KANSL2: variants seen among roughly 807,000 people sequenced by gnomAD.
KANSL2 encodes the protein KAT8 regulatory NSL complex subunit 2.
A neutral mutation model predicts 55.6 loss-of-function variants in KANSL2; 34 were observed. The ratio of observed to expected loss-of-function variants is 0.61; its 90% confidence interval spans 0.46 to 0.81. The LOEUF (loss-of-function observed/expected upper bound fraction) is 0.81, where lower values mean the gene tolerates loss of function less well. KANSL2 is among the 40% of genes least tolerant of loss of function. The pLI is 0.00. For missense variants in KANSL2, 502 were observed against 609.9 expected, an observed-to-expected ratio of 0.82 and a Z score of 1.86; for synonymous variants, 209 against 214.3, an observed-to-expected ratio of 0.98 and a Z score of 0.22.
chr12:48,681,830 C>A (rs1939932590), intron 1 of KANSL2, 189 bp from the exon 2 acceptor site: 4 of 726,294 alleles, frequency 5.5e-6, no homozygotes, highest in Non-Finnish European at 9.9e-6. Flanking sequence ...GCGTGTCCCT[C>A]CATGCCCGGC....
chr12:48,670,993 G>C (rs892849765), intron 5 of KANSL2, among the ~76,000 whole-genome samples: 5 of 152,136 alleles, frequency 3.3e-5, no homozygotes, highest in African/African-American at 1.2e-4. Flanking sequence ...GCCAGGCGCA[G>C]TGGCTCATGC....
At chr12:48,681,714 A>G (rs2137209340) in intron 1 of KANSL2, 73 bp from the exon 2 acceptor site, 7 of 1,595,542 alleles carry the variant, frequency 4.4e-6, no homozygotes, top group Non-Finnish European at 4.3e-6. Flanking sequence ...GATCGCGCGG[A>G]CAGTTTCCAA....
chr12:48,682,069 CAGGA>C, intron 1 of KANSL2, 114 bp downstream of exon 1: 1 of 703,038 alleles, frequency 1.4e-6, no homozygotes. Context: ...TGGAAGCCTG[CAGGA>C]AGGAGACTGA....
At chr12:48,664,077 G>C (rs574179808) in intron 7 of KANSL2, among the ~76,000 whole-genome samples, 1 of 151,818 alleles carries the variant, frequency 6.6e-6, no homozygotes, top group African/African-American at 2.4e-5. Flanking sequence ...ACCACGCCTG[G>C]CTAATTTTTG....
chr12:48,663,913 C>CTTTTTTTT, intron 7 of KANSL2, among the ~76,000 whole-genome samples: 1 of 112,566 alleles, frequency 8.9e-6, no homozygotes, highest in Non-Finnish European at 1.8e-5. Context: ...AACTATTAGC[C>CTTTTTTTT]TTTTTTTTTT....
chr12:48,674,712 G>A (rs1391622071), intron 4 of KANSL2, among the ~76,000 whole-genome samples: 1 of 152,132 alleles, frequency 6.6e-6, no homozygotes, highest in African/African-American at 2.4e-5. Flanking sequence ...GATCACTTGA[G>A]GTCAGGAGTT....
chr12:48,657,294 A>G (rs1203130332), intron 8 of KANSL2, among the ~76,000 whole-genome samples: 3 of 152,092 alleles, frequency 2.0e-5, no homozygotes, highest in African/African-American at 7.2e-5. Flanking sequence ...GCGTCTTGGC[A>G]CATACCTGTA....
chr12:48,663,918 T>C (rs1386123497), intron 7 of KANSL2, among the ~76,000 whole-genome samples: 1,692 of 144,608 alleles, frequency 0.012, 26 homozygotes, highest in African/African-American at 0.041. Context: ...TTAGCCTTTT[T>C]TTTTTTTTTT....
rs1285617755 is a variant in KANSL2, at chr12:48,679,271, AC to A, written c.431-122del. 3 of 748,510 alleles carry A rather than the reference AC, an allele frequency of 4.0e-6. No homozygotes were observed. In the African/African-American group the frequency reaches 5.2e-5, roughly 13 times the overall value. The allele number at this position is 748,510 out of a possible 1,614,324, so 46.4% of individuals were successfully genotyped here. A position where few individuals can be genotyped will look rare whatever the true frequency, so the allele number is the denominator to read the frequency against. On this transcript the variant is annotated intron_variant, in intron 3 of 9. Transcript: ENST00000420613. ...TTTTAAAAACAAAACAAAAAAAAAA[AC>A]ACTTAGTACAAAGGTACTGGCAAAT...
intron 4 of KANSL2, among the ~76,000 whole-genome samples, chr12:48,672,435 T>TATATATA (rs1418549166): frequency 9.5e-6 from 1 of 104,890 alleles, no homozygotes; most frequent in South Asian, 3.5e-4. Context: ...ATATATATAT[T>TATATATA]TTTTTTTTGA....
intron 2 of KANSL2, 139 bp downstream of exon 2, chr12:48,681,243 T>C (rs1939920207): frequency 1.4e-5 from 13 of 925,792 alleles, no homozygotes; most frequent in Non-Finnish European, 2.1e-5. Context: ...TCACCGTTTT[T>C]TCAGTTTTCC....
In KANSL2 at chr12:48,657,863, C is replaced by T. The variant is rs544083149; in HGVS notation, c.1227+2503G>A. ...AACTCCTGACCTCAGGTGATCTACC[C>T]GTCTCGGACTCCCAAAGTGCTGGGA... is the stretch of plus-strand genomic sequence containing the variant. On this transcript the variant is annotated intron_variant, in intron 8 of 9. Transcript: ENST00000420613. Among the ~76,000 whole-genome samples the T allele has an allele frequency of 7.2e-5, 11 of 152,290 alleles. No individual in the cohort carries two copies. In the East Asian group the frequency reaches 1.4e-3, roughly 19 times the overall value.
At position 48,660,389 on chromosome 12, in the gene KANSL2, T is replaced by C. The variant is rs1239674655; in HGVS notation, c.1204A>G (p.Ser402Gly). 1.5e-5 allele frequency: 24 copies of C among 1,613,704 alleles called. No homozygotes were observed. Among genetic ancestry groups the C allele is most frequent in the Non-Finnish European group, 2.0e-5 (24 of 1,179,808 alleles). The change falls in exon 8 of 10, where the codon AGT (serine) becomes GGT (glycine). Residue 402 changes from serine to glycine, a missense_variant. By Grantham distance (56) the Ser-to-Gly change is moderately conservative. Coordinates refer to ENST00000420613, the MANE Select transcript of KANSL2 (RefSeq NM_017822.4). ...LSAAELQPTESLPLEFSDDLD... is the reference protein window; with the variant it reads ...LSAAELQPTEGLPLEFSDDLD... Reference sequence around the variant, plus strand: ...ACATCACTGAACTCCAGAGGTAAACTCTCAGTGGGCTGAAGCTCAGCAGCA... The same window carrying C: ...ACATCACTGAACTCCAGAGGTAAACCCTCAGTGGGCTGAAGCTCAGCAGCA...
At chr12:48,678,912 A>ACCTCTT (rs1939871810) in intron 4 of KANSL2, 124 bp downstream of exon 4, 1 of 645,378 alleles carries the variant, frequency 1.5e-6, no homozygotes, top group South Asian at 1.9e-5. Context: ...TATATACAGA[A>ACCTCTT]CCTCTTACTG....
At chr12:48,665,670 C>G (rs971082252) in intron 7 of KANSL2, among the ~76,000 whole-genome samples, 2 of 152,182 alleles carry the variant, frequency 1.3e-5, no homozygotes, top group Admixed American at 6.5e-5. Flanking sequence ...GCTTTTACTG[C>G]GAAATTTTTC....
intron 4 of KANSL2, among the ~76,000 whole-genome samples, chr12:48,676,409 C>T (rs533158966): frequency 6.6e-6 from 1 of 152,196 alleles, no homozygotes; most frequent in South Asian, 2.1e-4. Context: ...CCCTGTAATC[C>T]CAGCACTTTG....
At position 48,681,142 on chromosome 12, in the gene KANSL2, G is replaced by T. The variant is rs946224958; in HGVS notation, c.251+240C>A. ...TTAAAAAAAAAAAAAAAAAAAAAAA[G>T]ACTAATTTAGAATATGCCTTTATTT... is the stretch of plus-strand genomic sequence containing the variant. On this transcript the variant is annotated intron_variant, in intron 2 of 9. Coordinates refer to ENST00000420613, the MANE Select transcript of KANSL2 (RefSeq NM_017822.4). 113 of 191,444 alleles carry T rather than the reference G, an allele frequency of 5.9e-4. 2 individuals carry two copies. The Middle Eastern group carries it at 0.011, about 19-fold the overall frequency. The allele number at this position is 191,444 out of a possible 1,614,324, so 11.9% of individuals were successfully genotyped here.
chr12:48,678,955 T>A (rs1379065830), intron 4 of KANSL2, 81 bp downstream of exon 4: 2 of 964,402 alleles, frequency 2.1e-6, no homozygotes, highest in Non-Finnish European at 3.3e-6. Context: ...CCTCCTAGGT[T>A]ACTAATTTAT....
At chr12:48,672,809 A>G (rs1250409542) in intron 4 of KANSL2, among the ~76,000 whole-genome samples, 1 of 152,010 alleles carries the variant, frequency 6.6e-6, no homozygotes, top group East Asian at 1.9e-4. Context: ...CCCAGGCTGG[A>G]GTGCAGTGGC....
Sources: gnomAD v4.1 joint callset for allele counts (sites outside exome capture counted in the v4.1 genomes callset) on GRCh38, gnomAD v4.1.1 for gene constraint, MANE v1.5 for transcripts, NCBI Gene and HGNC (gene_info 2026-07-23, HGNC 2026-07-21) for gene names.